Variants in TTK observed in about 807,000 individuals in gnomAD.
TTK encodes the protein TTK protein kinase.
Under a neutral mutation model 117.3 loss-of-function variants are expected in TTK, and 59 were observed. The ratio of observed to expected loss-of-function variants is 0.50; its 90% confidence interval spans 0.41 to 0.62. The LOEUF is 0.62. TTK is among the 20% of genes least tolerant of loss of function. TTK has a pLI of 0.00. For synonymous variants in TTK, 302 were observed against 325.0 expected (o/e 0.93, Z 0.76); for missense variants, 921 against 989.4 (o/e 0.93, Z 0.93).
chr6:80,028,300 TA>T (rs1554169260), intron 13 of TTK, among the ~76,000 whole-genome samples: 2 of 24,344 alleles, frequency 8.2e-5, no homozygotes, highest in African/African-American at 4.1e-4. Context: ...TTTTTATTTT[TA>T]TTTATTTATT....
rs189153762 is a variant in TTK at position 80,011,763 on chromosome 6, T to C, written c.763T>C (p.Tyr255His). 460 of 1,612,858 alleles carry C rather than the reference T, an allele frequency of 2.9e-4. No homozygotes were observed. The highest frequency in any genetic ancestry group is 3.7e-4 in the Non-Finnish European group (437 of 1,179,196). ...NMPPQDAEIG[Y>H]RNSLRQTNKT... Reference sequence around the variant, plus strand: ...GCCACCACAAGATGCAGAAATAGGTTACCGGAATTCATTGAGACAAACTAA... The same window carrying C: ...GCCACCACAAGATGCAGAAATAGGTCACCGGAATTCATTGAGACAAACTAA... The change falls in exon 7 of 22, where the codon TAC becomes CAC. Residue 255 changes from tyrosine to histidine, a missense_variant. Coordinates refer to ENST00000369798, the MANE Select transcript of TTK (RefSeq NM_003318.5).
intron 21 of TTK, among the ~76,000 whole-genome samples, chr6:80,041,781 A>G (rs896287438): frequency 6.6e-6 from 1 of 151,288 alleles, no homozygotes; most frequent in African/African-American, 2.4e-5. Flanking sequence ...TTCCTAATAA[A>G]TATATTTTGT....
chr6:80,013,186 T>C (rs1455043564), intron 8 of TTK, 93 bp from the exon 9 acceptor site: 18 of 989,012 alleles, frequency 1.8e-5, no homozygotes, highest in Non-Finnish European at 2.3e-5. Flanking sequence ...AAAGTATGTA[T>C]ATTATTAAAA....
rs369756266 is a variant in TTK, at chr6:80,011,004, A to T, written c.613+47A>T. On this transcript the variant is annotated intron_variant, in intron 5 of 21. Transcript: ENST00000369798. ...TACTTTCTGTGGTAGGTAGTACTTC[A>T]AATAAAGATTCGGGATAATAATTTA... 1.6e-5 allele frequency: 25 copies of T among 1,539,270 alleles called. No individual in the cohort carries two copies. In the African/African-American group the frequency reaches 3.3e-4, roughly 20 times the overall value.
In TTK at chr6:80,040,511, A is replaced by G. The variant is rs914112003; in HGVS notation, c.2393-95A>G. The G allele has an allele frequency of 1.2e-5, 13 of 1,081,378 alleles. No individual in the cohort carries two copies. The African/African-American group carries it at 2.0e-4, about 16-fold the overall frequency. 67.0% of individuals were successfully genotyped at this position (1,081,378 alleles called of 1,614,324 possible). A position where few individuals can be genotyped will look rare whatever the true frequency, so the allele number is the denominator to read the frequency against. On this transcript the variant is annotated intron_variant, in intron 20 of 21. Coordinates refer to ENST00000369798, the MANE Select transcript of TTK (RefSeq NM_003318.5). The stretch of plus-strand genomic sequence containing the variant: ...CGGGTTATAATCAGTGATAAATTAT[A>G]AGAATATCACTTTGTGCTATTAAAC...
chr6:80,007,991 A>ACCCT lies in TTK; in HGVS notation c.322_323insCCCT (p.Ser108ThrfsTer5). 130 of 1,590,878 alleles carry ACCCT rather than the reference A, an allele frequency of 8.2e-5. No individual in the cohort carries two copies. Among genetic ancestry groups the ACCCT allele is most frequent in the Middle Eastern group, 1.7e-4 (1 of 6,012 alleles). Reference sequence around the variant, plus strand: ...CCCAGATAAATATGGCCAAAATGAGAGTTTTGCTAGAATTCAAGTGAGATT... The same window carrying ACCCT: ...CCCAGATAAATATGGCCAAAATGAGACCCTGTTTTGCTAGAATTCAAGTGAGATT... On this transcript the variant is annotated frameshift_variant, in exon 3 of 22. Transcript: ENST00000369798. LOFTEE classifies it high-confidence loss of function.
Position 80,014,489 on chromosome 6 carries a change from A to C in TTK, c.1011A>C (p.Glu337Asp). Residue 337 changes from glutamate (E) to aspartate (D), a missense_variant, in exon 10 of 22, where the codon GAA becomes GAC. Physicochemically the swap from Glu to Asp is conservative, Grantham distance 45. Transcript: ENST00000369798. Reference protein sequence around the residue: ...LKSVQNSHFKEPLVSDEKSSE... With the variant: ...LKSVQNSHFKDPLVSDEKSSE... ...CTGTTCAAAATAGTCATTTCAAGGA[A>C]CCTCTGGTGTCAGATGAAAAGAGTT... The C allele has an allele frequency of 6.2e-7, 1 of 1,607,858 alleles. No individual in the cohort carries two copies. Among genetic ancestry groups the C allele is most frequent in the South Asian group, 1.1e-5 (1 of 89,530 alleles).
Position 80,040,709 on chromosome 6 carries a change from T to C in TTK, c.2490+6T>C. The C allele has an allele frequency of 6.2e-7, 1 of 1,610,124 alleles. No homozygotes were observed. The highest frequency in any genetic ancestry group is 8.5e-7 in the Non-Finnish European group (1 of 1,177,554). ...CCATTTTGAAAGCTGCTAAAGTAAGTATGTCTATTCTTTACATTAATTTTT... is the reference window on the plus strand; with the variant it reads ...CCATTTTGAAAGCTGCTAAAGTAAGCATGTCTATTCTTTACATTAATTTTT... On this transcript the variant is annotated splice_donor_region_variant and intron_variant, in intron 21 of 21. Coordinates refer to ENST00000369798, the MANE Select transcript of TTK (RefSeq NM_003318.5).
At chr6:80,014,412 TTAG>T in intron 9 of TTK, 48 bp from the exon 10 acceptor site, 1 of 1,516,464 alleles carries the variant, frequency 6.6e-7, no homozygotes, top group Non-Finnish European at 8.9e-7. Context: ...GTAAGACAGA[TTAG>T]TAGTACTACT....
intron 10 of TTK, among the ~76,000 whole-genome samples, chr6:80,021,809 A>G (rs1283166872): frequency 3.9e-5 from 6 of 152,178 alleles, no homozygotes; most frequent in Non-Finnish European, 8.8e-5. Context: ...GTTTGTTTCA[A>G]AACTGGCCCC....
intron 14 of TTK, among the ~76,000 whole-genome samples, chr6:80,033,038 C>T (rs1767800304): frequency 6.6e-6 from 1 of 152,102 alleles, no homozygotes; most frequent in Non-Finnish European, 1.5e-5. Context: ...TTATTTTCAG[C>T]ATGCTATGCT....
rs376304038 is a variant in TTK at position 80,035,104 on chromosome 6, A to G, written c.1734A>G (p.Leu578=). ...YRNEIAYLNK[L]QQHSDKIIRL... ...ACGAAATAGCTTATTTGAATAAACT[A>G]CAACAACACAGTGATAAGATCATCC... is the stretch of plus-strand genomic sequence containing the variant. Residue 578 remains leucine, a synonymous_variant, in exon 15 of 22, where the codon CTA becomes CTG. Coordinates refer to ENST00000369798, the MANE Select transcript of TTK (RefSeq NM_003318.5). The G allele has an allele frequency of 6.0e-5, 95 of 1,589,272 alleles. No homozygotes were observed. Among genetic ancestry groups the G allele is most frequent in the Non-Finnish European group, 8.0e-5 (94 of 1,172,468 alleles).
intron 10 of TTK, among the ~76,000 whole-genome samples, chr6:80,021,325 G>A (rs1404840106): frequency 6.6e-6 from 1 of 152,210 alleles, no homozygotes; most frequent in Non-Finnish European, 1.5e-5. Flanking sequence ...CGTTGGCCTG[G>A]TAGCCTGAGT....
Position 80,027,893 on chromosome 6 carries a change from C to T in TTK, c.1403C>T (p.Thr468Ile). 2 of 1,593,156 alleles carry T rather than the reference C, an allele frequency of 1.3e-6. No homozygotes were observed. The highest frequency in any genetic ancestry group is 8.6e-7 in the Non-Finnish European group (1 of 1,168,728). Residue 468 changes from threonine to isoleucine, a missense_variant, in exon 13 of 22, where the codon ACT (threonine) becomes ATT (isoleucine). Transcript: ENST00000369798. ...ATATATATATTTCCTAGTTTTAGAA[C>T]TCCAGTTGTAAAGAATGACTTTCCA... The part of the protein sequence containing the change: ...TLDDYMSCFR[T>I]PVVKNDFPPA...
At chr6:80,023,249 T>C (rs975708621) in intron 11 of TTK, among the ~76,000 whole-genome samples, 2 of 152,222 alleles carry the variant, frequency 1.3e-5, no homozygotes, top group African/African-American at 4.8e-5. Flanking sequence ...CTCTATTTAC[T>C]ATATTAGGAA....
intron 12 of TTK, among the ~76,000 whole-genome samples, chr6:80,027,554 A>T (rs1413526173): frequency 6.6e-6 from 1 of 151,486 alleles, no homozygotes; most frequent in Non-Finnish European, 1.5e-5. Flanking sequence ...ATTATTGTTT[A>T]AAAAAAAACT....
At chr6:80,008,145 C>A (rs946439189) in intron 3 of TTK, 114 bp downstream of exon 3, 1 of 1,273,388 alleles carries the variant, frequency 7.9e-7, no homozygotes, top group East Asian at 2.6e-5. Flanking sequence ...ATTTTTTTAC[C>A]AAATACTTTT....
At position 80,014,566 on chromosome 6, in the gene TTK, G is replaced by C. The variant is rs1204729678; in HGVS notation, c.1088G>C (p.Ser363Thr). 1.3e-6 allele frequency: 2 copies of C among 1,599,048 alleles called. No individual in the cohort carries two copies. Among genetic ancestry groups the C allele is most frequent in the East Asian group, 2.3e-5 (1 of 44,294 alleles). Residue 363 changes from serine (S) to threonine (T), a missense_variant, in exon 10 of 22, where the codon AGT (serine) becomes ACT (threonine). Coordinates refer to ENST00000369798, the MANE Select transcript of TTK (RefSeq NM_003318.5). ...ACCCTGAAGAATAAAACGGAATCAA[G>C]TCTTCTAGCTAAATTAGAAGGTAAG... ...SITLKNKTES[S>T]LLAKLEETKE...
At chr6:80,005,255 T>C (rs908234632) in intron 1 of TTK, among the ~76,000 whole-genome samples, 2 of 152,166 alleles carry the variant, frequency 1.3e-5, no homozygotes, top group Non-Finnish European at 2.9e-5. Flanking sequence ...ACCATGCAGA[T>C]AAGCAAGTGC....
Sources: gnomAD v4.1 joint callset for allele counts (sites outside exome capture counted in the v4.1 genomes callset) on GRCh38, gnomAD v4.1.1 for gene constraint, MANE v1.5 for transcripts, NCBI Gene and HGNC (gene_info 2026-07-23, HGNC 2026-07-21) for gene names.